WDR33: variants seen among roughly 807,000 people sequenced by gnomAD.
WDR33 encodes pre-mRNA 3' end processing protein WDR33.
A neutral mutation model predicts 164.9 loss-of-function variants in WDR33; 47 were observed. That is an observed-to-expected ratio of 0.29 (90% CI 0.23 to 0.36). The LOEUF is 0.36. WDR33 is among the 10% of genes least tolerant of loss of function. The pLI, the probability that WDR33 is intolerant of heterozygous loss-of-function variation, is 1.00. For synonymous variants in WDR33, 505 were observed against 589.0 expected (o/e 0.86, Z 2.06); for missense variants, 1,137 against 1,754.1 (o/e 0.65, Z 6.28).
At chr2:127,746,511 CACTGTGCAGAGT>C (rs1481960267) in intron 7 of WDR33, among the ~76,000 whole-genome samples, 4 of 152,322 alleles carry the variant, frequency 2.6e-5, no homozygotes, top group Non-Finnish European at 4.4e-5. Flanking sequence ...CTTCATCCTG[CACTGTGCAGAGT>C]ATGTCTGTGG....
chr2:127,732,426 ATCC>A lies in WDR33; in HGVS notation c.725-5652_725-5650del, dbSNP rs1573896866. On this transcript the variant is annotated intron_variant, in intron 7 of 21. Transcript: ENST00000322313. Reference sequence around the variant, plus strand: ...AGCCTCTGACTCCTGGGCTCAAATAATCCTCCTACCTCAGCCTCCCCGGTAGCT... The same window carrying A: ...AGCCTCTGACTCCTGGGCTCAAATAATCCTACCTCAGCCTCCCCGGTAGCT... Among the ~76,000 whole-genome samples, 3 of 152,046 alleles carry A rather than the reference ATCC, an allele frequency of 2.0e-5. No individual in the cohort carries two copies. The South Asian group carries it at 6.2e-4, about 32-fold the overall frequency.
chr2:127,763,053 T>A lies in WDR33; in HGVS notation c.724+9A>T. On this transcript the variant is annotated intron_variant, in intron 7 of 21. Transcript: ENST00000322313. This position sits in a 1 kb window ranked among gnomAD's most constrained non-coding sequence, Gnocchi z 4.5. ...TAAATATTCCAATCAGTACTGTTAG[T>A]ACACGTACCTCGGAGAATTCTTTCC... 1 of 1,613,992 alleles carries A rather than the reference T, an allele frequency of 6.2e-7. No homozygotes were observed. Among genetic ancestry groups the A allele is most frequent in the Non-Finnish European group, 8.5e-7 (1 of 1,179,878 alleles).
At chr2:127,711,721 C>G (rs72846242) in intron 18 of WDR33, among the ~76,000 whole-genome samples, 8,334 of 139,906 alleles carry the variant, frequency 0.06, 372 homozygotes, top group Middle Eastern at 0.16. Flanking sequence ...TGAGGGTGGG[C>G]TGGCCAACCC....
Position 127,763,518 on chromosome 2 carries a change from TC to T in WDR33, c.627-360del. 1 of 1,050,452 alleles carries T rather than the reference TC, an allele frequency of 9.5e-7. No individual in the cohort carries two copies. The highest frequency in any genetic ancestry group is 1.1e-6 in the Non-Finnish European group (1 of 869,580). 65.1% of individuals were successfully genotyped at this position (1,050,452 alleles called of 1,614,324 possible). On this transcript the variant is annotated intron_variant, in intron 6 of 21. Transcript: ENST00000322313. This position sits in a 1 kb window ranked among gnomAD's most constrained non-coding sequence, Gnocchi z 4.5. Reference sequence around the variant, plus strand: ...TTCTATTTTTGCAGTATTCCTGCAGTCTTTTAAATCACACACGAATACTGCT... The same window carrying T: ...TTCTATTTTTGCAGTATTCCTGCAGTTTTTAAATCACACACGAATACTGCT...
Position 127,710,672 on chromosome 2 carries a change from G to A in WDR33, c.3309-816C>T, listed in dbSNP as rs899053331. Reference sequence around the variant, plus strand: ...AGAGAGGGTACCAGGAGGTCTGTGCGAAAGAAGAGAAAGTGACCTTCTGGC... The same window carrying A: ...AGAGAGGGTACCAGGAGGTCTGTGCAAAAGAAGAGAAAGTGACCTTCTGGC... On this transcript the variant is annotated intron_variant, in intron 18 of 21. Transcript: ENST00000322313. This position sits in a 1 kb window ranked among gnomAD's most constrained non-coding sequence, Gnocchi z 4.4. 5.9e-5 allele frequency among the ~76,000 whole-genome samples: 9 copies of A among 152,176 alleles called. No homozygotes were observed. The highest frequency in any genetic ancestry group is 2.2e-4 in the African/African-American group (9 of 41,426).
chr2:127,708,548 C>T lies in WDR33; in HGVS notation c.3781+129G>A. On this transcript the variant is annotated intron_variant, in intron 21 of 21. Transcript: ENST00000322313. The surrounding 1 kb of genome is among the most constrained non-coding windows in gnomAD (Gnocchi z 6.7). ...GTCCACCAGATGACAGCTCGTGTGG[C>T]ACTGGCACCACATTTAGGAGCATGT... 2 of 1,020,366 alleles carry T rather than the reference C, an allele frequency of 2.0e-6. No homozygotes were observed. The highest frequency in any genetic ancestry group is 2.8e-6 in the Non-Finnish European group (2 of 706,330). The allele number at this position is 1,020,366 out of a possible 1,614,324, so 63.2% of individuals were successfully genotyped here.
chr2:127,749,330 T>A (rs906531155), intron 7 of WDR33, among the ~76,000 whole-genome samples: 1 of 151,976 alleles, frequency 6.6e-6, no homozygotes, highest in African/African-American at 2.4e-5. Flanking sequence ...TGAAACGGTC[T>A]CAATAAAACA....
At position 127,713,461 on chromosome 2, in the gene WDR33, T is replaced by C; in HGVS notation, c.3308+122A>G. Reference sequence around the variant, plus strand: ...ACGTCCAAATGCAAACTCTACAGAGTGCAGGGCTGGTAATTGATATAATTC... The same window carrying C: ...ACGTCCAAATGCAAACTCTACAGAGCGCAGGGCTGGTAATTGATATAATTC... On this transcript the variant is annotated intron_variant, in intron 18 of 21. Coordinates refer to ENST00000322313, the MANE Select transcript of WDR33 (RefSeq NM_018383.5). This position sits in a 1 kb window ranked among gnomAD's most constrained non-coding sequence, Gnocchi z 6.2. 8.7e-7 allele frequency: 1 copy of C among 1,143,802 alleles called. No homozygotes were observed. The highest frequency in any genetic ancestry group is 1.3e-6 in the Non-Finnish European group (1 of 794,236). The allele number at this position is 1,143,802 out of a possible 1,614,324, so 70.9% of individuals were successfully genotyped here.
At chr2:127,794,914 A>G (rs1156721281) in intron 1 of WDR33, among the ~76,000 whole-genome samples, 1 of 151,406 alleles carries the variant, frequency 6.6e-6, no homozygotes, top group South Asian at 2.1e-4. Context: ...AATCCTAGCT[A>G]CTGGGAGGCT....
At chr2:127,750,703 T>TGC (rs1164311388) in intron 7 of WDR33, among the ~76,000 whole-genome samples, 1 of 56,678 alleles carries the variant, frequency 1.8e-5, no homozygotes, top group African/African-American at 1.2e-4. Flanking sequence ...TATATATATA[T>TGC]ATATATATAT....
chr2:127,802,250 T>TA (rs1689275549), intron 1 of WDR33, among the ~76,000 whole-genome samples: 2 of 151,912 alleles, frequency 1.3e-5, no homozygotes, highest in South Asian at 4.1e-4. Context: ...CACAAGCATA[T>TA]ACAGCATGCC....
At chr2:127,775,520 T>G (rs1688158381) in intron 1 of WDR33, among the ~76,000 whole-genome samples, 1 of 152,124 alleles carries the variant, frequency 6.6e-6, no homozygotes, top group Admixed American at 6.5e-5. Flanking sequence ...GGACAGCAGA[T>G]GAAACAACAA....
In WDR33 at chr2:127,719,016, C is replaced by T. The variant is rs1305574228; in HGVS notation, c.2760+249G>A. On this transcript the variant is annotated intron_variant, in intron 16 of 21. Transcript: ENST00000322313. This position sits in a 1 kb window ranked among gnomAD's most constrained non-coding sequence, Gnocchi z 6.5. The stretch of plus-strand genomic sequence containing the variant: ...TGAGAGTTGACCTTTTCTGAAGAAA[C>T]TCTATTACCAAAAAAAGAAAAATGG... Among the ~76,000 whole-genome samples the T allele has an allele frequency of 2.0e-5, 3 of 152,148 alleles. No homozygotes were observed. The highest frequency in any genetic ancestry group is 3.2e-3 in the Middle Eastern group (1 of 316).
Position 127,764,858 on chromosome 2 carries a change from TG to T in WDR33, c.595del (p.Gln199ArgfsTer49). On this transcript the variant is annotated frameshift_variant, in exon 6 of 22. Transcript: ENST00000322313. LOFTEE classifies it high-confidence loss of function. The surrounding 1 kb of genome is among the most constrained non-coding windows in gnomAD (Gnocchi z 6.2). Reference protein sequence around the residue: ...QSNMNNVKMFQAHKEAIREAS... With the variant: ...QSNMNNVKMFXAHKEAIREAS... ...CTCTCTAATCGCCTCCTTATGTGCC[TG>T]GAACATCTTGACGTTGTTCATGTTC... is the stretch of plus-strand genomic sequence containing the variant. 1 of 1,614,218 alleles carries T rather than the reference TG, an allele frequency of 6.2e-7. No individual in the cohort carries two copies. Among genetic ancestry groups the T allele is most frequent in the Non-Finnish European group, 8.5e-7 (1 of 1,180,036 alleles).
At chr2:127,758,824 G>A (rs6736001) in intron 7 of WDR33, among the ~76,000 whole-genome samples, 20,092 of 152,092 alleles carry the variant, frequency 0.13, 1,445 homozygotes, top group South Asian at 0.25. Flanking sequence ...CGTCTTTAAC[G>A]ATTGTGAAAA....
intron 7 of WDR33, chr2:127,737,458 C>G (rs1427734386): frequency 1.0e-6 from 1 of 985,404 alleles, no homozygotes; most frequent in Admixed American, 6.2e-5. Flanking sequence ...ACAATATATA[C>G]AGTCAAGAAA....
rs1468308065 is a variant in WDR33 at position 127,716,667 on chromosome 2, A to G, written c.2869+488T>C. Among the ~76,000 whole-genome samples, 1 of 152,190 alleles carries G rather than the reference A, an allele frequency of 6.6e-6. No individual in the cohort carries two copies. The highest frequency in any genetic ancestry group is 1.5e-5 in the Non-Finnish European group (1 of 68,026). On this transcript the variant is annotated intron_variant, in intron 17 of 21. Coordinates refer to ENST00000322313, the MANE Select transcript of WDR33 (RefSeq NM_018383.5). The surrounding 1 kb of genome is among the most constrained non-coding windows in gnomAD (Gnocchi z 4.5). ...TCTCATCTCTTTCCTTTTCATATCA[A>G]CAACCTGAGGAGCCACATATGGCTA... is the stretch of plus-strand genomic sequence containing the variant.
At position 127,764,977 on chromosome 2, in the gene WDR33, A is replaced by G. The variant is rs760357038; in HGVS notation, c.477T>C (p.Ala159=). ...LTFNFETILQ[A]HDSPVRAMTW... ...TCATGGCCCTCACTGGGCTGTCGTG[A>G]GCCTGTGAAAGCAGAAAACATTAAT... is the stretch of plus-strand genomic sequence containing the variant. Residue 159 remains alanine, a splice_region_variant and synonymous_variant, in exon 6 of 22, where the codon GCT becomes GCC. Transcript: ENST00000322313. The surrounding 1 kb of genome is among the most constrained non-coding windows in gnomAD (Gnocchi z 6.2). The G allele has an allele frequency of 6.2e-7, 1 of 1,613,254 alleles. No homozygotes were observed. The highest frequency in any genetic ancestry group is 8.5e-7 in the Non-Finnish European group (1 of 1,179,600).
chr2:127,755,669 T>C (rs1204749133), intron 7 of WDR33, among the ~76,000 whole-genome samples: 1 of 152,224 alleles, frequency 6.6e-6, no homozygotes, highest in African/African-American at 2.4e-5. Flanking sequence ...TGAAGTTCAC[T>C]TCAGAAGTGT....
Sources: gnomAD v4.1 joint callset for allele counts (sites outside exome capture counted in the v4.1 genomes callset) on GRCh38, gnomAD v4.1.1 for gene constraint, Gnocchi (gnomAD v3.1) non-coding constraint, MANE v1.5 for transcripts, NCBI Gene and HGNC (gene_info 2026-07-23, HGNC 2026-07-21) for gene names.